The following AGAP1 variants were observed in gnomAD, a reference collection of about 807,000 sequenced individuals.
The protein encoded by AGAP1 is ArfGAP with GTPase domain, ankyrin repeat and PH domain 1, also known as arf-GAP with GTPase, ANK repeat and PH domain-containing protein 1.
In AGAP1, 29 loss-of-function variants were observed where a neutral mutation model predicts 105.3. The observed-to-expected ratio is 0.28, with a 90% CI of 0.21 to 0.38. The LOEUF (loss-of-function observed/expected upper bound fraction) is 0.38, where lower values mean the gene tolerates loss of function less well. Ranked by LOEUF, AGAP1 falls within the 10% of genes least tolerant of loss-of-function variation. The probability of loss-of-function intolerance (pLI) is 1.00; values close to 1 mark genes in which losing one functional copy is unlikely to be tolerated. For missense variants in AGAP1, 998 were observed against 1,165.1 expected, an observed-to-expected ratio of 0.86 and a Z score of 2.09; for synonymous variants, 509 against 485.9, an observed-to-expected ratio of 1.05 and a Z score of -0.63.
At chr2:235,727,982 C>T (rs1331351152) in intron 3 of AGAP1, among the ~76,000 whole-genome samples, 1 of 152,138 alleles carries the variant, frequency 6.6e-6, no homozygotes, top group Non-Finnish European at 1.5e-5. Context: ...AGCACACGTT[C>T]CACTCAGCAC....
intron 13 of AGAP1, among the ~76,000 whole-genome samples, chr2:236,017,940 C>G (rs2056761439): frequency 6.6e-6 from 1 of 152,122 alleles, no homozygotes; most frequent in South Asian, 2.1e-4. Flanking sequence ...GGGACCTGCT[C>G]ACAGATCCAC....
rs2059158615 is a variant in AGAP1 at position 236,095,063 on chromosome 2, T to A, written c.2115-25129T>A. On this transcript the variant is annotated intron_variant, in intron 16 of 17. Transcript: ENST00000304032. The surrounding 1 kb of genome is among the most constrained non-coding windows in gnomAD (Gnocchi z 4.1). Reference sequence around the variant, plus strand: ...GCAGTGAGCCCTGATCAAGCCATTGTACTTTAGCCTTGGTGAGAGTGAGAC... The same window carrying A: ...GCAGTGAGCCCTGATCAAGCCATTGAACTTTAGCCTTGGTGAGAGTGAGAC... Among the ~76,000 whole-genome samples the A allele has an allele frequency of 6.9e-6, 1 of 144,672 alleles. No individual in the cohort carries two copies. The highest frequency in any genetic ancestry group is 1.5e-5 in the Non-Finnish European group (1 of 66,158). 94.9% of individuals were successfully genotyped at this position (144,672 alleles called of 152,430 possible). A position where few individuals can be genotyped will look rare whatever the true frequency, so the allele number is the denominator to read the frequency against.
intron 1 of AGAP1, among the ~76,000 whole-genome samples, chr2:235,619,211 T>C (rs1238143061): frequency 2.0e-5 from 3 of 152,138 alleles, no homozygotes; most frequent in Non-Finnish European, 4.4e-5. Flanking sequence ...TTTGTTACAG[T>C]GGTAATAGGG....
At position 235,875,384 on chromosome 2, in the gene AGAP1, C is replaced by G. The variant is rs1446470832; in HGVS notation, c.1051-7961C>G. 6.6e-6 allele frequency among the ~76,000 whole-genome samples: 1 copy of G among 152,218 alleles called. No homozygotes were observed. Among genetic ancestry groups the G allele is most frequent in the African/African-American group, 2.4e-5 (1 of 41,454 alleles). ...GGTGCGAGTCTCACCATCGTGCTGTCTGCTGAGAGATCTGATTCCCAGCGG... is the reference window on the plus strand; with the variant it reads ...GGTGCGAGTCTCACCATCGTGCTGTGTGCTGAGAGATCTGATTCCCAGCGG... On this transcript the variant is annotated intron_variant, in intron 9 of 17. Coordinates refer to ENST00000304032, the MANE Select transcript of AGAP1 (RefSeq NM_001037131.3). The surrounding 1 kb of genome is among the most constrained non-coding windows in gnomAD (Gnocchi z 4.0).
intron 9 of AGAP1, among the ~76,000 whole-genome samples, chr2:235,850,635 T>G (rs1415336374): frequency 6.6e-6 from 1 of 152,254 alleles, no homozygotes; most frequent in Non-Finnish European, 1.5e-5. Flanking sequence ...AAGAAGTACT[T>G]TAGGACATTT....
chr2:235,929,929 T>G (rs990439577), intron 11 of AGAP1, among the ~76,000 whole-genome samples: 25 of 152,130 alleles, frequency 1.6e-4, no homozygotes, highest in African/African-American at 5.8e-4. Context: ...CTAAAACAAT[T>G]GGAAGAAAAT....
chr2:235,717,336 G>A (rs780366989), intron 2 of AGAP1, among the ~76,000 whole-genome samples: 12 of 152,342 alleles, frequency 7.9e-5, no homozygotes, highest in Non-Finnish European at 1.0e-4. Flanking sequence ...TGCTGATGCC[G>A]TTGCAGCTGT....
chr2:235,808,516 A>G (rs1484866320), intron 9 of AGAP1, among the ~76,000 whole-genome samples: 1 of 152,190 alleles, frequency 6.6e-6, no homozygotes, highest in Admixed American at 6.5e-5. Context: ...GGGCCACAGC[A>G]TCTTGGGTGA....
intron 16 of AGAP1, among the ~76,000 whole-genome samples, chr2:236,088,787 C>G (rs2058991113): frequency 3.3e-5 from 5 of 152,218 alleles, no homozygotes; most frequent in African/African-American, 1.2e-4. Context: ...TCCCCATTGT[C>G]ACGAATCTAT....
chr2:235,687,214 G>C (rs1223346808), intron 1 of AGAP1, among the ~76,000 whole-genome samples: 1 of 152,190 alleles, frequency 6.6e-6, no homozygotes, highest in African/African-American at 2.4e-5. Context: ...CTATCAAACA[G>C]ATTCCCATTC....
chr2:235,818,739 G>A lies in AGAP1; in HGVS notation c.1050+11408G>A, dbSNP rs139755146. Among the ~76,000 whole-genome samples, 441 of 152,232 alleles carry A rather than the reference G, an allele frequency of 2.9e-3. 2 individuals carry two copies. The highest frequency in any genetic ancestry group is 0.02 in the East Asian group (103 of 5,172). Reference sequence around the variant, plus strand: ...ATTACAGGCACATGCCACCATGCCCGACTAAGGTTTGTATTTTTAGTAGAG... The same window carrying A: ...ATTACAGGCACATGCCACCATGCCCAACTAAGGTTTGTATTTTTAGTAGAG... On this transcript the variant is annotated intron_variant, in intron 9 of 17. Coordinates refer to ENST00000304032, the MANE Select transcript of AGAP1 (RefSeq NM_001037131.3).
Position 236,103,867 on chromosome 2 carries a change from C to T in AGAP1, c.2115-16325C>T, listed in dbSNP as rs562531244. Among the ~76,000 whole-genome samples, 13 of 152,278 alleles carry T rather than the reference C, an allele frequency of 8.5e-5. No homozygotes were observed. In the South Asian group the frequency reaches 2.7e-3, roughly 32 times the overall value. On this transcript the variant is annotated intron_variant, in intron 16 of 17. Transcript: ENST00000304032. ...CAGGCGTGAGCGACATGCCCAGCCT[C>T]TCCTGGGCCCCTTCTAGGCACCCCG... is the stretch of plus-strand genomic sequence containing the variant.
At chr2:235,974,977 AGGCATGG>A (rs2054798376) in intron 13 of AGAP1, among the ~76,000 whole-genome samples, 1 of 152,248 alleles carries the variant, frequency 6.6e-6, no homozygotes, top group Non-Finnish European at 1.5e-5. Context: ...TATTCGAGAA[AGGCATGG>A]GAATTCAGAA....
chr2:236,079,138 A>C (rs918919588), intron 16 of AGAP1, among the ~76,000 whole-genome samples: 3 of 152,078 alleles, frequency 2.0e-5, no homozygotes, highest in Non-Finnish European at 2.9e-5. Flanking sequence ...TCTGCCTGCT[A>C]TGTGCCAGGC....
At position 235,888,384 on chromosome 2, in the gene AGAP1, G is replaced by A. The variant is rs747280008; in HGVS notation, c.1155+4935G>A. The stretch of plus-strand genomic sequence containing the variant: ...TGGGATAGGAGGGTCTAGAAGGCTC[G>A]ACTCCCCTCCTAGGGCTGCTCCACA... On this transcript the variant is annotated intron_variant, in intron 10 of 17. Transcript: ENST00000304032. This position sits in a 1 kb window ranked among gnomAD's most constrained non-coding sequence, Gnocchi z 4.8. 8.1e-4 allele frequency among the ~76,000 whole-genome samples: 123 copies of A among 151,950 alleles called. 2 individuals carry two copies. The highest frequency in any genetic ancestry group is 3.4e-4 in the Non-Finnish European group (23 of 67,960).
Position 236,050,713 on chromosome 2 carries a change from G to A in AGAP1, c.2114+1432G>A, listed in dbSNP as rs530659644. Among the ~76,000 whole-genome samples the A allele has an allele frequency of 6.6e-6, 1 of 152,114 alleles. No homozygotes were observed. The highest frequency in any genetic ancestry group is 2.1e-4 in the South Asian group (1 of 4,806). On this transcript the variant is annotated intron_variant, in intron 16 of 17. Transcript: ENST00000304032. The surrounding 1 kb of genome is among the most constrained non-coding windows in gnomAD (Gnocchi z 4.0). ...AATGCAGAAAACATTGAAATAAGCT[G>A]GAAAAATCTATGCATCTTACTGTTT...
In AGAP1 at chr2:235,864,599, A is replaced by G. The variant is rs966710697; in HGVS notation, c.1051-18746A>G. The stretch of plus-strand genomic sequence containing the variant: ...TCACCAGCAGCCATTAAGTGCAGAT[A>G]CTGTCGTCCCTGGTGTCGTCCCTGA... On this transcript the variant is annotated intron_variant, in intron 9 of 17. Transcript: ENST00000304032. The surrounding 1 kb of genome is among the most constrained non-coding windows in gnomAD (Gnocchi z 5.0). Among the ~76,000 whole-genome samples the G allele has an allele frequency of 2.0e-5, 3 of 152,144 alleles. No homozygotes were observed. Among genetic ancestry groups the G allele is most frequent in the Admixed American group, 2.0e-4 (3 of 15,280 alleles).
chr2:235,981,216 G>A lies in AGAP1; in HGVS notation c.1645+12593G>A, dbSNP rs115108861. On this transcript the variant is annotated intron_variant, in intron 13 of 17. Coordinates refer to ENST00000304032, the MANE Select transcript of AGAP1 (RefSeq NM_001037131.3). This position sits in a 1 kb window ranked among gnomAD's most constrained non-coding sequence, Gnocchi z 5.5. ...TAAGCTTATATGAGGGACGAGAGCCGTAGCATTGCTCCAGCAGGTATTTCA... is the reference window on the plus strand; with the variant it reads ...TAAGCTTATATGAGGGACGAGAGCCATAGCATTGCTCCAGCAGGTATTTCA... Among the ~76,000 whole-genome samples, 338 of 152,280 alleles carry A rather than the reference G, an allele frequency of 2.2e-3. 2 individuals carry two copies. Among genetic ancestry groups the A allele is most frequent in the African/African-American group, 7.4e-3 (308 of 41,566 alleles).
chr2:236,081,967 G>A (rs908752775), intron 16 of AGAP1, among the ~76,000 whole-genome samples: 1 of 152,150 alleles, frequency 6.6e-6, no homozygotes, highest in African/African-American at 2.4e-5. Context: ...CCATGCATGG[G>A]AAGTCAAACC....
Sources: gnomAD v4.1 joint callset for allele counts (sites outside exome capture counted in the v4.1 genomes callset) on GRCh38, gnomAD v4.1.1 for gene constraint, Gnocchi (gnomAD v3.1) non-coding constraint, MANE v1.5 for transcripts, NCBI Gene and HGNC (gene_info 2026-07-23, HGNC 2026-07-21) for gene names.